SRD5A2: variants seen among roughly 807,000 people sequenced by gnomAD.
The protein encoded by SRD5A2 is steroid 5 alpha-reductase 2.
SRD5A2 carries 30 observed loss-of-function variants against 27.4 expected under a neutral mutation model. That is an observed-to-expected ratio of 1.10 (90% CI 0.82 to 1.49). SRD5A2 has a LOEUF of 1.49. Ranked by LOEUF, SRD5A2 falls within the 40% of genes most tolerant of loss-of-function variation. The pLI, the probability that SRD5A2 is intolerant of heterozygous loss-of-function variation, is 0.00. For missense variants in SRD5A2, 348 were observed against 323.4 expected (o/e 1.08, Z -0.58); for synonymous variants, 141 against 133.6 (o/e 1.06, Z -0.38).
the SRD5A2 span, among the ~76,000 whole-genome samples, chr2:31,657,286 T>C: frequency 6.6e-6 from 1 of 152,250 alleles, no homozygotes; most frequent in Non-Finnish European, 1.5e-5. Flanking sequence ...CCTTCTAGAC[T>C]ATCTTCAGAA....
At chr2:31,581,342 A>G (rs551604917), upstream of SRD5A2, among the ~76,000 whole-genome samples, 1 of 152,084 alleles carries the variant, frequency 6.6e-6, no homozygotes, top group Admixed American at 6.5e-5. Context: ...TCGAACACCC[A>G]AGCCAAGGTC....
At chr2:31,582,805 G>A (rs931259411), upstream of SRD5A2, among the ~76,000 whole-genome samples, 3 of 152,038 alleles carry the variant, frequency 2.0e-5, no homozygotes, top group African/African-American at 7.3e-5. Flanking sequence ...CCTCTTCCCT[G>A]TCCTCAATTG....
At chr2:31,644,837 C>G in the SRD5A2 span, among the ~76,000 whole-genome samples, 3 of 152,148 alleles carry the variant, frequency 2.0e-5, no homozygotes, top group Non-Finnish European at 2.9e-5. Context: ...GAAATACACA[C>G]TGAAGTATTA....
At chr2:31,581,873 G>A (rs1020179773), upstream of SRD5A2, among the ~76,000 whole-genome samples, 5 of 152,136 alleles carry the variant, frequency 3.3e-5, no homozygotes, top group African/African-American at 7.2e-5. Context: ...ACGCAGACGC[G>A]GTTCTTTCTC....
At chr2:31,557,780 C>T (rs551909766) in intron 1 of SRD5A2, among the ~76,000 whole-genome samples, 2 of 152,284 alleles carry the variant, frequency 1.3e-5, no homozygotes, top group Admixed American at 1.3e-4. Flanking sequence ...AACTCAAAGG[C>T]TGTTATTGCT....
At chr2:31,644,481 T>C in the SRD5A2 span, among the ~76,000 whole-genome samples, 1 of 152,156 alleles carries the variant, frequency 6.6e-6, no homozygotes, top group African/African-American at 2.4e-5. Context: ...CTAGTTAAAT[T>C]CTCATAAGGT....
In SRD5A2 at chr2:31,524,151, C is replaced by A. The variant is rs982111595; in HGVS notation, c.*2045G>T. 4 of 223,348 alleles carry A rather than the reference C, an allele frequency of 1.8e-5. No individual in the cohort carries two copies. Among genetic ancestry groups the A allele is most frequent in the Non-Finnish European group, 3.6e-5 (4 of 111,908 alleles). The allele number at this position is 223,348 out of a possible 1,614,324, so 13.8% of individuals were successfully genotyped here. On this transcript the variant is annotated 3_prime_UTR_variant, in exon 5 of 5. Transcript: ENST00000622030. ...TGTATATTTATTTCATCTCAAGGAC[C>A]GGCCTGGATGTTTTACATGGTAGTA...
the SRD5A2 span, among the ~76,000 whole-genome samples, chr2:31,591,442 T>A: frequency 1.3e-5 from 2 of 151,900 alleles, no homozygotes; most frequent in Non-Finnish European, 2.9e-5. Flanking sequence ...AAACAACAGG[T>A]GCTGGAGAGG....
At position 31,533,671 on chromosome 2, in the gene SRD5A2, T is replaced by C. The variant is rs368386747; in HGVS notation, c.377A>G (p.Gln126Arg). ...AGCACAGTAAATCAGATAGTAGCCT[T>C]GAAGGACTCCATTTCCAGTGCAGAA... is the stretch of plus-strand genomic sequence containing the variant. ...TAFCTGNGVL[Q>R]GYYLIYCAEY... Residue 126 changes from glutamine to arginine, a missense_variant, in exon 2 of 5, where the codon CAA becomes CGA. By Grantham distance (43) the Gln-to-Arg change is conservative. Transcript: ENST00000622030. 194 of 1,571,052 alleles carry C rather than the reference T, an allele frequency of 1.2e-4. No homozygotes were observed. The highest frequency in any genetic ancestry group is 1.6e-4 in the Non-Finnish European group (181 of 1,157,632).
chr2:31,649,705 A>T, the SRD5A2 span, among the ~76,000 whole-genome samples: 1 of 152,092 alleles, frequency 6.6e-6, no homozygotes, highest in African/African-American at 2.4e-5. Flanking sequence ...GTATCATTGT[A>T]ATTTCTAGAT....
In SRD5A2 at chr2:31,523,583, A is replaced by T. The variant is rs1018709001; in HGVS notation, c.*2613T>A. On this transcript the variant is annotated 3_prime_UTR_variant, in exon 5 of 5. Coordinates refer to ENST00000622030, the MANE Select transcript of SRD5A2 (RefSeq NM_000348.4). ...TCTTTAAGTCTAAATTCTGAAAAACAAACAAAACTCAACATTTTCTTCAAG... is the reference window on the plus strand; with the variant it reads ...TCTTTAAGTCTAAATTCTGAAAAACTAACAAAACTCAACATTTTCTTCAAG... 2 of 219,704 alleles carry T rather than the reference A, an allele frequency of 9.1e-6. No homozygotes were observed. The highest frequency in any genetic ancestry group is 1.8e-5 in the Non-Finnish European group (2 of 109,480). 13.6% of individuals were successfully genotyped at this position (219,704 alleles called of 1,614,324 possible).
chr2:31,573,395 G>A (rs192148991), intron 1 of SRD5A2, among the ~76,000 whole-genome samples: 6 of 152,308 alleles, frequency 3.9e-5, no homozygotes, highest in Admixed American at 2.0e-4. Context: ...GCTGAGTCTC[G>A]TTAAAGGCTC....
intron 1 of SRD5A2, among the ~76,000 whole-genome samples, chr2:31,542,453 A>C (rs528577987): frequency 6.6e-6 from 1 of 152,304 alleles, no homozygotes; most frequent in South Asian, 2.1e-4. Flanking sequence ...TTGAGGCTGC[A>C]GTGAGCTAAC....
rs1052551711 is a variant in SRD5A2, at chr2:31,532,008, C to T, written c.446-536G>A. ...TTCTGATAAAAGGTGCAGGCAAGAC[C>T]GGTGCCCCTACTTCGTCTTTCTTCC... On this transcript the variant is annotated intron_variant, in intron 2 of 4. Transcript: ENST00000622030. Among the ~76,000 whole-genome samples the T allele has an allele frequency of 6.6e-5, 10 of 152,088 alleles. No homozygotes were observed. In the East Asian group the frequency reaches 1.5e-3, roughly 23 times the overall value.
intron 1 of SRD5A2, among the ~76,000 whole-genome samples, chr2:31,559,982 G>A (rs1195203689): frequency 6.6e-6 from 1 of 151,368 alleles, no homozygotes; most frequent in Admixed American, 6.6e-5. Context: ...AGTGGTTTGT[G>A]AAGGTACCTA....
chr2:31,535,765 C>T (rs1385491829), intron 1 of SRD5A2, among the ~76,000 whole-genome samples: 2 of 152,140 alleles, frequency 1.3e-5, no homozygotes, highest in Non-Finnish European at 2.9e-5. Context: ...ATACACACAA[C>T]AAGAGAAAGG....
chr2:31,628,064 C>T, the SRD5A2 span, among the ~76,000 whole-genome samples: 1 of 152,072 alleles, frequency 6.6e-6, no homozygotes, highest in African/African-American at 2.4e-5. Context: ...CTAATACTGT[C>T]AGTGGGGTGT....
chr2:31,548,606 G>T (rs1275793384), intron 1 of SRD5A2, among the ~76,000 whole-genome samples: 2 of 152,172 alleles, frequency 1.3e-5, no homozygotes, highest in African/African-American at 2.4e-5. Context: ...CAAAGATGTG[G>T]AGAAACTGGA....
intron 1 of SRD5A2, among the ~76,000 whole-genome samples, chr2:31,572,932 A>G (rs1666881095): frequency 6.6e-6 from 1 of 152,230 alleles, no homozygotes; most frequent in Admixed American, 6.5e-5. Flanking sequence ...CTAATTTAAG[A>G]CTTGGGTAGT....
Sources: allele counts gnomAD v4.1 joint callset (sites outside exome capture counted in the v4.1 genomes callset), GRCh38; gene constraint gnomAD v4.1.1; transcripts MANE v1.5; gene names NCBI Gene and HGNC (gene_info 2026-07-23, HGNC 2026-07-21).